TMEM59L: variants seen among roughly 807,000 people sequenced by gnomAD.
TMEM59L encodes transmembrane protein 59-like.
A neutral mutation model predicts 39.6 loss-of-function variants in TMEM59L; 31 were observed. The observed-to-expected ratio is 0.78, with a 90% CI of 0.59 to 1.06. TMEM59L has a LOEUF of 1.06. Among genes scored for constraint, TMEM59L ranks in the 50% least tolerant of loss-of-function variants. The pLI, the probability that TMEM59L is intolerant of heterozygous loss-of-function variation, is 0.00. For missense variants in TMEM59L, 441 were observed against 451.3 expected (o/e 0.98, Z 0.21); for synonymous variants, 219 against 202.9 (o/e 1.08, Z -0.68).
chr19:18,617,370 T>C (rs1335742786), intron 5 of TMEM59L: 1 of 568,052 alleles, frequency 1.8e-6, no homozygotes, highest in Admixed American at 2.2e-5. Context: ...TTACCAGGGA[T>C]CCGTGGTCCA....
rs1452033899 is a variant in TMEM59L at position 18,613,857 on chromosome 19, C to T, written c.172-15C>T. On this transcript the variant is annotated splice_polypyrimidine_tract_variant and intron_variant, in intron 1 of 7. Coordinates refer to ENST00000262817, the MANE Select transcript of TMEM59L (RefSeq NM_012109.3). ...CCTCCCCATGGCCTGAGCCCCCTGT[C>T]CTCCCCTCCCCCAGGCGGGGCTGGA... The T allele has an allele frequency of 6.9e-6, 11 of 1,595,214 alleles. No homozygotes were observed. The highest frequency in any genetic ancestry group is 9.4e-6 in the Non-Finnish European group (11 of 1,170,570).
chr19:18,618,533 G>A, intron 7 of TMEM59L, 41 bp downstream of exon 7: 3 of 1,569,098 alleles, frequency 1.9e-6, no homozygotes, highest in Non-Finnish European at 2.6e-6. Flanking sequence ...GAGGGAGGGG[G>A]TGAAGGCAGA....
Position 18,612,897 on chromosome 19 carries a change from G to A in TMEM59L, c.-62G>A, listed in dbSNP as rs1976384598. On this transcript the variant is annotated 5_prime_UTR_variant, in exon 1 of 8. Coordinates refer to ENST00000262817, the MANE Select transcript of TMEM59L (RefSeq NM_012109.3). The surrounding 1 kb of genome is among the most constrained non-coding windows in gnomAD (Gnocchi z 6.2). The stretch of plus-strand genomic sequence containing the variant: ...CAGCGCCCCGGTCCCCGCCGCAGCC[G>A]CTGCATCCTCCGTGCCCGGCCTGAG... The A allele has an allele frequency of 3.2e-6, 4 of 1,241,202 alleles. No individual in the cohort carries two copies. Among genetic ancestry groups the A allele is most frequent in the Non-Finnish European group, 4.0e-6 (4 of 989,568 alleles). 76.9% of individuals were successfully genotyped at this position (1,241,202 alleles called of 1,614,324 possible). A position where few individuals can be genotyped will look rare whatever the true frequency, so the allele number is the denominator to read the frequency against.
rs1198367831 is a variant in TMEM59L, at chr19:18,621,031, T to C, written c.*495T>C. ...GGGCTGGGGAGGAATAAACCATGTA[T>C]ATAAAAGAGTTTCAGGCTGAGCCTG... On this transcript the variant is annotated 3_prime_UTR_variant, in exon 8 of 8. Coordinates refer to ENST00000262817, the MANE Select transcript of TMEM59L (RefSeq NM_012109.3). 1 of 153,164 alleles carries C rather than the reference T, an allele frequency of 6.5e-6. No homozygotes were observed. The highest frequency in any genetic ancestry group is 1.9e-4 in the East Asian group (1 of 5,202). The allele number at this position is 153,164 out of a possible 1,614,324, so 9.5% of individuals were successfully genotyped here.
At chr19:18,619,086 G>A (rs1326982814) in intron 7 of TMEM59L, among the ~76,000 whole-genome samples, 2 of 152,006 alleles carry the variant, frequency 1.3e-5, no homozygotes, top group Admixed American at 6.6e-5. Flanking sequence ...CGGCCTCCCT[G>A]GCTCAAGCAA....
chr19:18,618,782 C>T (rs573849682), intron 7 of TMEM59L, among the ~76,000 whole-genome samples: 16 of 151,046 alleles, frequency 1.1e-4, no homozygotes, highest in Non-Finnish European at 1.6e-4. Context: ...GCAACCTCCA[C>T]CTCCTGGGTT....
intron 4 of TMEM59L, among the ~76,000 whole-genome samples, chr19:18,616,717 G>A (rs1976432198): frequency 6.6e-6 from 1 of 152,162 alleles, no homozygotes; most frequent in Admixed American, 6.6e-5. Context: ...ACTGAGCTGG[G>A]ATTTACTCTG....
At chr19:18,618,692 AT>A (rs1449118835) in intron 7 of TMEM59L, among the ~76,000 whole-genome samples, 200 bp downstream of exon 7, 14 of 111,058 alleles carry the variant, frequency 1.3e-4, no homozygotes, top group South Asian at 2.7e-4. Context: ...TATATATAAT[AT>A]ATATATATAT....
At chr19:18,618,702 A>ATT (rs200205971) in intron 7 of TMEM59L, among the ~76,000 whole-genome samples, 15 of 126,734 alleles carry the variant, frequency 1.2e-4, no homozygotes, top group Middle Eastern at 3.5e-3. Context: ...ATATATATAT[A>ATT]TATTTTTTTT....
intron 3 of TMEM59L, 146 bp downstream of exon 3, chr19:18,614,341 C>A: frequency 1.1e-6 from 1 of 875,338 alleles, no homozygotes. Context: ...CCAGCCCCGT[C>A]ATGTCTCCAG....
At chr19:18,613,280 A>C in intron 1 of TMEM59L, 151 bp downstream of exon 1, 2 of 876,260 alleles carry the variant, frequency 2.3e-6, no homozygotes, top group Middle Eastern at 7.8e-4. Flanking sequence ...AGATCTCTCC[A>C]GTAGTTGACG....
intron 3 of TMEM59L, 93 bp downstream of exon 3, chr19:18,614,288 C>A: frequency 7.2e-7 from 1 of 1,383,188 alleles, no homozygotes; most frequent in South Asian, 1.3e-5. Context: ...AGAGGCTCTG[C>A]CAGACTCTGC....
chr19:18,618,016 T>C (rs1976450099), intron 5 of TMEM59L, 139 bp from the exon 6 acceptor site: 2 of 706,256 alleles, frequency 2.8e-6, no homozygotes, highest in Non-Finnish European at 5.0e-6. Flanking sequence ...GTCTCAGCAT[T>C]CTGTGGTCCA....
chr19:18,616,851 AAAC>A, intron 4 of TMEM59L, 146 bp from the exon 5 acceptor site: 2 of 659,492 alleles, frequency 3.0e-6, no homozygotes, highest in East Asian at 5.1e-5. Flanking sequence ...TGAAAGCAGA[AAAC>A]AACATCCCTG....
At chr19:18,616,938 C>T in intron 4 of TMEM59L, 62 bp from the exon 5 acceptor site, 2 of 1,327,590 alleles carry the variant, frequency 1.5e-6, no homozygotes, top group Admixed American at 2.0e-5. Context: ...CACAGAGGGC[C>T]TGCCTGGGCC....
chr19:18,620,666 C>G lies in TMEM59L; in HGVS notation c.*130C>G. ...CACCCCCAAATCCTTCCTCTCCTCC[C>G]AGTCCCACCCCTTGCCCCACGGAGT... On this transcript the variant is annotated 3_prime_UTR_variant, in exon 8 of 8. Coordinates refer to ENST00000262817, the MANE Select transcript of TMEM59L (RefSeq NM_012109.3). 1 of 1,332,490 alleles carries G rather than the reference C, an allele frequency of 7.5e-7. No homozygotes were observed. The highest frequency in any genetic ancestry group is 1.6e-5 in the South Asian group (1 of 60,852). 82.5% of individuals were successfully genotyped at this position (1,332,490 alleles called of 1,614,324 possible).
At chr19:18,619,197 A>C (rs1002928648) in intron 7 of TMEM59L, among the ~76,000 whole-genome samples, 35 of 152,252 alleles carry the variant, frequency 2.3e-4, no homozygotes, top group African/African-American at 7.9e-4. Flanking sequence ...TATGTTGCCC[A>C]GGCTGGTCTT....
In TMEM59L at chr19:18,613,901, C is replaced by G; in HGVS notation, c.201C>G (p.Pro67=). 1.2e-6 allele frequency: 2 copies of G among 1,612,930 alleles called. No individual in the cohort carries two copies. Among genetic ancestry groups the G allele is most frequent in the Non-Finnish European group, 1.7e-6 (2 of 1,180,022 alleles). The change falls in exon 2 of 8, where the codon CCC becomes CCG. Residue 67 remains proline (P), a synonymous_variant. Transcript: ENST00000262817. ...QAGLEGASES[P]YDRAVLISAC... ...GGCTGGAGGGCGCCTCCGAGTCTCC[C>G]TATGACAGAGCCGTTCTGATCAGCG...
Position 18,613,877 on chromosome 19 carries a change from G to A in TMEM59L, c.177G>A (p.Gly59=), listed in dbSNP as rs11538359. ...CCTGTCCTCCCCTCCCCCAGGCGGGGCTGGAGGGCGCCTCCGAGTCTCCCT... is the reference window on the plus strand; with the variant it reads ...CCTGTCCTCCCCTCCCCCAGGCGGGACTGGAGGGCGCCTCCGAGTCTCCCT... ...RDLGPQPSQA[G]LEGASESPYD... Residue 59 remains glycine, a synonymous_variant, in exon 2 of 8, where the codon GGG becomes GGA. Transcript: ENST00000262817. 2 of 1,611,162 alleles carry A rather than the reference G, an allele frequency of 1.2e-6. No homozygotes were observed. Among genetic ancestry groups the A allele is most frequent in the Non-Finnish European group, 1.7e-6 (2 of 1,179,494 alleles).
Sources: gnomAD v4.1 joint callset for allele counts (sites outside exome capture counted in the v4.1 genomes callset) on GRCh38, gnomAD v4.1.1 for gene constraint, Gnocchi (gnomAD v3.1) non-coding constraint, MANE v1.5 for transcripts, NCBI Gene and HGNC (gene_info 2026-07-23, HGNC 2026-07-21) for gene names.